The following ZCWPW2 variants were observed in gnomAD, a reference collection of about 807,000 sequenced individuals.
The protein encoded by ZCWPW2 is zinc finger CW-type PWWP domain protein 2.
Under a neutral mutation model 46.6 loss-of-function variants are expected in ZCWPW2, and 45 were observed. That is an observed-to-expected ratio of 0.96 (90% CI 0.76 to 1.24). ZCWPW2 has a LOEUF of 1.24. Among genes scored for constraint, ZCWPW2 ranks in the 50% most tolerant of loss-of-function variants. The pLI is 0.00. For synonymous variants in ZCWPW2, 152 were observed against 137.1 expected, an observed-to-expected ratio of 1.11 and a Z score of -0.76; for missense variants, 429 against 403.9, an observed-to-expected ratio of 1.06 and a Z score of -0.53.
intron 4 of ZCWPW2, among the ~76,000 whole-genome samples, chr3:28,456,132 A>G (rs1575156453): frequency 6.6e-6 from 1 of 152,010 alleles, no homozygotes; most frequent in East Asian, 1.9e-4. Flanking sequence ...ATGTGTTTCT[A>G]TTTGTTTCTG....
intron 4 of ZCWPW2, among the ~76,000 whole-genome samples, chr3:28,441,597 G>A (rs1697760796): frequency 6.6e-6 from 1 of 152,160 alleles, no homozygotes; most frequent in Non-Finnish European, 1.5e-5. Context: ...GAGGCCATTG[G>A]TGCAAGCTGG....
chr3:28,500,211 A>G (rs1700105210), intron 6 of ZCWPW2, among the ~76,000 whole-genome samples: 1 of 152,042 alleles, frequency 6.6e-6, no homozygotes, highest in South Asian at 2.1e-4. Flanking sequence ...TATAATAAAG[A>G]TGTTGTTGCC....
chr3:28,484,227 T>C (rs1261487653), intron 5 of ZCWPW2, among the ~76,000 whole-genome samples: 1 of 152,168 alleles, frequency 6.6e-6, no homozygotes, highest in African/African-American at 2.4e-5. Context: ...TGATTTTTCT[T>C]CTTTATGCTG....
At chr3:28,411,654 G>A (rs983765845) in intron 2 of ZCWPW2, among the ~76,000 whole-genome samples, 2 of 152,002 alleles carry the variant, frequency 1.3e-5, no homozygotes, top group Non-Finnish European at 2.9e-5. Flanking sequence ...TGGCTCCAAA[G>A]TCTAACCTCA....
intron 3 of ZCWPW2, among the ~76,000 whole-genome samples, chr3:28,414,381 T>A (rs888807920): frequency 6.6e-6 from 1 of 152,026 alleles, no homozygotes; most frequent in Non-Finnish European, 1.5e-5. Flanking sequence ...GGGATACATG[T>A]GCAGGTTTGT....
At chr3:28,394,903 G>A (rs570015979) in intron 2 of ZCWPW2, among the ~76,000 whole-genome samples, 1 of 152,172 alleles carries the variant, frequency 6.6e-6, no homozygotes, top group South Asian at 2.1e-4. Flanking sequence ...CAAAAATAAA[G>A]TGGGACTACA....
intron 6 of ZCWPW2, among the ~76,000 whole-genome samples, chr3:28,509,152 G>A (rs562721909): frequency 2.2e-4 from 34 of 152,072 alleles, no homozygotes; most frequent in African/African-American, 7.5e-4. Flanking sequence ...CATCTATATT[G>A]TGGCATGTGT....
chr3:28,503,307 T>C (rs1313199530), intron 6 of ZCWPW2, among the ~76,000 whole-genome samples: 1 of 152,166 alleles, frequency 6.6e-6, no homozygotes, highest in Admixed American at 6.6e-5. Flanking sequence ...TATTTGGACC[T>C]AAGGTTGTGG....
intron 4 of ZCWPW2, among the ~76,000 whole-genome samples, chr3:28,441,336 A>C (rs1396422843): frequency 6.6e-6 from 1 of 152,088 alleles, no homozygotes; most frequent in African/African-American, 2.4e-5. Context: ...TGACCATCCA[A>C]CCAAACCATT....
At chr3:28,349,454 G>C (rs1394559677) in intron 1 of ZCWPW2, among the ~76,000 whole-genome samples, 1 of 152,172 alleles carries the variant, frequency 6.6e-6, no homozygotes, top group Non-Finnish European at 1.5e-5. Flanking sequence ...ATCACTTGAG[G>C]CACAAGCTCG....
At chr3:28,435,079 C>A (rs1236237773) in intron 3 of ZCWPW2, 31 bp from the exon 4 acceptor site, 2 of 1,599,818 alleles carry the variant, frequency 1.3e-6, no homozygotes, top group African/African-American at 1.3e-5. Flanking sequence ...TTAAAAGCAT[C>A]AAAATAATTA....
chr3:28,380,993 ATATTTGG>A lies in ZCWPW2; in HGVS notation c.-133-9501_-133-9495del, dbSNP rs1161782177. Among the ~76,000 whole-genome samples the A allele has an allele frequency of 2.7e-4, 12 of 43,640 alleles. 1 individual carries two copies. Among genetic ancestry groups the A allele is most frequent in the African/African-American group, 1.4e-3 (10 of 7,264 alleles). 28.6% of individuals were successfully genotyped at this position (43,640 alleles called of 152,430 possible). A position where few individuals can be genotyped will look rare whatever the true frequency, so the allele number is the denominator to read the frequency against. On this transcript the variant is annotated intron_variant, in intron 1 of 9. Transcript: ENST00000383768. ...ATATTTGGTATATATATATATATATATATTTGGTATATATATATATATATATATTTGG... is the reference window on the plus strand; with the variant it reads ...ATATTTGGTATATATATATATATATATATATATATATATATATATATTTGG...
chr3:28,405,052 A>G (rs1696104286), intron 2 of ZCWPW2, among the ~76,000 whole-genome samples: 1 of 152,208 alleles, frequency 6.6e-6, no homozygotes, highest in Non-Finnish European at 1.5e-5. Context: ...TTTTGAACTC[A>G]TTTAGACATA....
At chr3:28,399,768 G>A (rs1239787461) in intron 2 of ZCWPW2, among the ~76,000 whole-genome samples, 1 of 152,140 alleles carries the variant, frequency 6.6e-6, no homozygotes, top group African/African-American at 2.4e-5. Context: ...TAGGACAAAA[G>A]AATCTGAGCA....
rs535676189 is a variant in ZCWPW2, at chr3:28,453,056, C to T, written c.492+17787C>T. Reference sequence around the variant, plus strand: ...CAGAAGTGTCAAGAACTATTGAAAGCAGGAAATAAGTTAGAGCCTTCTTAA... The same window carrying T: ...CAGAAGTGTCAAGAACTATTGAAAGTAGGAAATAAGTTAGAGCCTTCTTAA... On this transcript the variant is annotated intron_variant, in intron 4 of 9. Coordinates refer to ENST00000383768, the MANE Select transcript of ZCWPW2 (RefSeq NM_001040432.4). Among the ~76,000 whole-genome samples the T allele has an allele frequency of 7.9e-5, 12 of 152,190 alleles. No individual in the cohort carries two copies. In the South Asian group the frequency reaches 2.5e-3, roughly 32 times the overall value.
In ZCWPW2 at chr3:28,517,225, C is replaced by T. The variant is rs866342052; in HGVS notation, c.784+1604C>T. 4.6e-3 allele frequency among the ~76,000 whole-genome samples: 707 copies of T among 152,130 alleles called. 9 individuals carry two copies. Among genetic ancestry groups the T allele is most frequent in the African/African-American group, 0.016 (648 of 41,494 alleles). ...TTTTTCAGTGCCAGCTTTGGGGTAA[C>T]CCAACCAGTAGCTACTATATAAGGG... is the stretch of plus-strand genomic sequence containing the variant. On this transcript the variant is annotated intron_variant, in intron 8 of 9. Coordinates refer to ENST00000383768, the MANE Select transcript of ZCWPW2 (RefSeq NM_001040432.4).
rs148554581 is a variant in ZCWPW2 at position 28,488,613 on chromosome 3, A to T, written c.611-3514A>T. Among the ~76,000 whole-genome samples, 24 of 152,326 alleles carry T rather than the reference A, an allele frequency of 1.6e-4. No homozygotes were observed. In the East Asian group the frequency reaches 4.6e-3, roughly 29 times the overall value. On this transcript the variant is annotated intron_variant, in intron 5 of 9. Coordinates refer to ENST00000383768, the MANE Select transcript of ZCWPW2 (RefSeq NM_001040432.4). ...CTCCCTAATATGGTTGTAAGTAAAA[A>T]ATCAATAACATCTGTTCTGGGTCAT...
chr3:28,393,266 A>C (rs1695566688), intron 2 of ZCWPW2, among the ~76,000 whole-genome samples: 1 of 152,156 alleles, frequency 6.6e-6, no homozygotes, highest in Non-Finnish European at 1.5e-5. Flanking sequence ...ATAAAATCTG[A>C]AATAGGCTAA....
chr3:28,362,927 T>C (rs933554117), intron 1 of ZCWPW2, among the ~76,000 whole-genome samples: 4 of 152,102 alleles, frequency 2.6e-5, no homozygotes, highest in Non-Finnish European at 2.9e-5. Flanking sequence ...TGGATGGAGC[T>C]GGAGGCCATT....
Sources: allele counts gnomAD v4.1 joint callset (sites outside exome capture counted in the v4.1 genomes callset), GRCh38; gene constraint gnomAD v4.1.1; transcripts MANE v1.5; gene names NCBI Gene and HGNC (gene_info 2026-07-23, HGNC 2026-07-21).